Variants in TGFBR3 observed in about 807,000 individuals in gnomAD.
TGFBR3 encodes transforming growth factor beta receptor type 3.
Under a neutral mutation model 87.9 loss-of-function variants are expected in TGFBR3, and 46 were observed. The ratio of observed to expected loss-of-function variants is 0.52; its 90% CI spans 0.41 to 0.67. The LOEUF is 0.67. Among genes scored for constraint, TGFBR3 ranks in the 30% least tolerant of loss-of-function variants. The pLI is 0.00. For synonymous variants in TGFBR3, 381 were observed against 391.6 expected (o/e 0.97, Z 0.32); for missense variants, 866 against 1,041.9 (o/e 0.83, Z 2.32).
At chr1:91,886,463 C>T (rs1679321963), upstream of TGFBR3, among the ~76,000 whole-genome samples, 12 of 152,212 alleles carry the variant, frequency 7.9e-5, no homozygotes, top group Admixed American at 7.9e-4. Context: ...GTTGGGGCGG[C>T]CCCTGTCCTG....
At chr1:91,865,925 A>G (rs1485305790) in intron 1 of TGFBR3, among the ~76,000 whole-genome samples, 2 of 152,078 alleles carry the variant, frequency 1.3e-5, no homozygotes, top group East Asian at 3.8e-4. Flanking sequence ...AAAAAAAAAA[A>G]AAAAAGAAAA....
intron 1 of TGFBR3, among the ~76,000 whole-genome samples, chr1:91,900,700 C>T (rs1403668554): frequency 6.6e-6 from 1 of 152,186 alleles, no homozygotes; most frequent in Non-Finnish European, 1.5e-5. Context: ...CTTGCATAAT[C>T]CACAAGGTGG....
chr1:91,793,502 T>C (rs1675266220), intron 3 of TGFBR3, among the ~76,000 whole-genome samples: 1 of 152,118 alleles, frequency 6.6e-6, no homozygotes, highest in African/African-American at 2.4e-5. Flanking sequence ...TGAAAAATAT[T>C]TGCCTTTAAT....
intron 2 of TGFBR3, among the ~76,000 whole-genome samples, chr1:91,833,856 G>C (rs989256714): frequency 6.6e-6 from 1 of 151,224 alleles, no homozygotes; most frequent in African/African-American, 2.4e-5. Context: ...CTAAATATAT[G>C]TCCTAATTCT....
intron 4 of TGFBR3, among the ~76,000 whole-genome samples, chr1:91,755,412 G>A (rs930865662): frequency 2.0e-5 from 3 of 152,050 alleles, no homozygotes; most frequent in African/African-American, 2.4e-5. Flanking sequence ...ATGTTCCATC[G>A]TCTCTTCCAG....
chr1:91,732,529 T>C (rs932387646), intron 5 of TGFBR3, among the ~76,000 whole-genome samples: 7 of 152,114 alleles, frequency 4.6e-5, no homozygotes, highest in African/African-American at 1.7e-4. Flanking sequence ...GATCGCTGGG[T>C]ACAAGAAAGG....
Position 91,886,063 on chromosome 1 carries a change from A to G in TGFBR3, c.-299T>C, listed in dbSNP as rs948853437. ...GGGAGCTCCGGGAATCGCGCAGGGA[A>G]AGTGGCCGGGGCGCGAGAGCCGCCG... On this transcript the variant is annotated 5_prime_UTR_variant, in exon 1 of 17. Coordinates refer to ENST00000212355, the MANE Select transcript of TGFBR3 (RefSeq NM_003243.5). The G allele has an allele frequency of 2.6e-5, 12 of 453,874 alleles. No homozygotes were observed. Among genetic ancestry groups the G allele is most frequent in the Non-Finnish European group, 5.3e-5 (12 of 226,754 alleles). The allele number at this position is 453,874 out of a possible 1,614,324, so 28.1% of individuals were successfully genotyped here. A position where few individuals can be genotyped will look rare whatever the true frequency, so the allele number is the denominator to read the frequency against.
chr1:91,779,411 C>T (rs1305256442), intron 3 of TGFBR3, among the ~76,000 whole-genome samples: 1 of 152,206 alleles, frequency 6.6e-6, no homozygotes, highest in Non-Finnish European at 1.5e-5. Context: ...CAAAGCCCCA[C>T]AGCTCATGAG....
intron 4 of TGFBR3, among the ~76,000 whole-genome samples, chr1:91,757,031 A>G (rs1379440494): frequency 6.6e-6 from 1 of 152,174 alleles, no homozygotes; most frequent in African/African-American, 2.4e-5. Context: ...ATTTATTTAT[A>G]TAAAATACAA....
Position 91,719,311 on chromosome 1 carries a change from C to T in TGFBR3, c.1566+1G>A. On this transcript the variant is annotated splice_donor_variant, in intron 10 of 16. Transcript: ENST00000212355. LOFTEE classifies it high-confidence loss of function. ...AAAGCTTTGTTCTGGAAAACACTCA[C>T]GGAGTTATAGTAGACCACACCATCA... The T allele has an allele frequency of 1.9e-6, 3 of 1,614,154 alleles. No homozygotes were observed. Among genetic ancestry groups the T allele is most frequent in the Non-Finnish European group, 2.5e-6 (3 of 1,180,016 alleles).
chr1:91,765,186 T>C (rs1674134841), intron 3 of TGFBR3, among the ~76,000 whole-genome samples: 1 of 150,896 alleles, frequency 6.6e-6, no homozygotes, highest in Non-Finnish European at 1.5e-5. Flanking sequence ...GTCCCCCCTG[T>C]CACAGTATAA....
chr1:91,684,188 G>C (rs1034355247), intron 16 of TGFBR3, among the ~76,000 whole-genome samples: 2 of 152,308 alleles, frequency 1.3e-5, no homozygotes, highest in African/African-American at 4.8e-5. Flanking sequence ...CTTGGTCTGT[G>C]TGAGCTGGCA....
intron 14 of TGFBR3, among the ~76,000 whole-genome samples, chr1:91,708,161 A>T (rs1671858094): frequency 6.6e-6 from 1 of 152,228 alleles, no homozygotes; most frequent in Admixed American, 6.5e-5. Context: ...CTGAAAACTG[A>T]ATTTTAAGAT....
intron 6 of TGFBR3, among the ~76,000 whole-genome samples, chr1:91,728,992 A>T (rs1047626739): frequency 6.6e-6 from 1 of 151,416 alleles, no homozygotes; most frequent in Non-Finnish European, 1.5e-5. Context: ...AGTTCTATCG[A>T]ATGGCTTTTT....
In TGFBR3 at chr1:91,820,224, C is replaced by A. The variant is rs1176705065; in HGVS notation, c.62-22753G>T. Among the ~76,000 whole-genome samples the A allele has an allele frequency of 2.0e-5, 3 of 152,144 alleles. No individual in the cohort carries two copies. The East Asian group carries it at 5.8e-4, about 29-fold the overall frequency. ...TTGGGACAGCAACTGAACTGTCCAA[C>A]CTCTCTCTAAAGGCATTACATCATA... is the stretch of plus-strand genomic sequence containing the variant. On this transcript the variant is annotated intron_variant, in intron 2 of 16. Transcript: ENST00000212355.
At chr1:91,727,309 T>C (rs1368338858) in intron 7 of TGFBR3, among the ~76,000 whole-genome samples, 3 of 152,226 alleles carry the variant, frequency 2.0e-5, no homozygotes, top group Admixed American at 1.3e-4. Flanking sequence ...GGATGCTCAA[T>C]ATGAAGGCTT....
intron 1 of TGFBR3, among the ~76,000 whole-genome samples, chr1:91,875,116 T>C (rs1678730782): frequency 6.6e-6 from 1 of 152,188 alleles, no homozygotes; most frequent in African/African-American, 2.4e-5. Context: ...AGGCCCATGC[T>C]ACACACCTAG....
At chr1:91,879,377 C>A (rs2101279146) in intron 1 of TGFBR3, among the ~76,000 whole-genome samples, 1 of 152,182 alleles carries the variant, frequency 6.6e-6, no homozygotes, top group Non-Finnish European at 1.5e-5. Flanking sequence ...CATAAAAGAA[C>A]CACCACCACA....
Position 91,681,580 on chromosome 1 carries a change from T to C in TGFBR3, c.*2159A>G, listed in dbSNP as rs911944835. 4.5e-5 allele frequency: 18 copies of C among 398,836 alleles called. No individual in the cohort carries two copies. In the East Asian group the frequency reaches 1.4e-3, roughly 30 times the overall value. 24.7% of individuals were successfully genotyped at this position (398,836 alleles called of 1,614,324 possible). Reference sequence around the variant, plus strand: ...TCTTTTAATATCTCCTAATAGCTAATTTTCTTTTTAACACGATGGAAAAGA... The same window carrying C: ...TCTTTTAATATCTCCTAATAGCTAACTTTCTTTTTAACACGATGGAAAAGA... On this transcript the variant is annotated 3_prime_UTR_variant, in exon 17 of 17. Transcript: ENST00000212355.
Sources: gnomAD v4.1 joint callset for allele counts (sites outside exome capture counted in the v4.1 genomes callset) on GRCh38, gnomAD v4.1.1 for gene constraint, MANE v1.5 for transcripts, NCBI Gene and HGNC (gene_info 2026-07-23, HGNC 2026-07-21) for gene names.